The following GALNTL6 variants were observed in gnomAD, a reference collection of about 807,000 sequenced individuals.
The protein encoded by GALNTL6 is polypeptide N-acetylgalactosaminyltransferase like 6.
In GALNTL6, 46 loss-of-function variants were observed where a neutral mutation model predicts 73.7. The observed-to-expected ratio is 0.62, with a 90% CI of 0.49 to 0.80. GALNTL6 has a LOEUF of 0.80. Among genes scored for constraint, GALNTL6 ranks in the 30% least tolerant of loss-of-function variants. The pLI is 0.00. For synonymous variants in GALNTL6, 259 were observed against 263.7 expected, an observed-to-expected ratio of 0.98 and a Z score of 0.17; for missense variants, 604 against 755.0, an observed-to-expected ratio of 0.80 and a Z score of 2.34.
intron 8 of GALNTL6, among the ~76,000 whole-genome samples, chr4:172,929,627 C>T (rs1748225572): frequency 2.0e-5 from 3 of 152,050 alleles, no homozygotes; most frequent in African/African-American, 7.2e-5. Context: ...TGAGGCCCAT[C>T]GACATCATGG....
In GALNTL6 at chr4:172,160,785, A is replaced by G. The variant is rs1018803046; in HGVS notation, c.139-68871A>G. On this transcript the variant is annotated intron_variant, in intron 2 of 12. Coordinates refer to ENST00000506823, the MANE Select transcript of GALNTL6 (RefSeq NM_001034845.3). ...CATGTATAGTCATAAATAGGTATGC[A>G]TATATATACATATATATAAAGAAAC... is the stretch of plus-strand genomic sequence containing the variant. Among the ~76,000 whole-genome samples the G allele has an allele frequency of 4.0e-5, 6 of 151,854 alleles. No individual in the cohort carries two copies. In the East Asian group the frequency reaches 9.7e-4, roughly 24 times the overall value.
At chr4:172,455,574 T>C (rs1259052625) in intron 5 of GALNTL6, among the ~76,000 whole-genome samples, 1 of 152,084 alleles carries the variant, frequency 6.6e-6, no homozygotes, top group Non-Finnish European at 1.5e-5. Context: ...CCCTTCACAG[T>C]GTAAACAAAG....
chr4:172,131,786 A>G (rs1733505989), intron 2 of GALNTL6, among the ~76,000 whole-genome samples: 1 of 151,802 alleles, frequency 6.6e-6, no homozygotes, highest in South Asian at 2.1e-4. Context: ...ATGCTTCTCC[A>G]GGGCACTGAC....
chr4:172,233,189 C>T (rs1033998732), intron 3 of GALNTL6, among the ~76,000 whole-genome samples: 2 of 138,140 alleles, frequency 1.4e-5, no homozygotes, highest in African/African-American at 2.8e-5. Context: ...GGAAACATAG[C>T]GAGACCTCAT....
At chr4:172,742,282 A>T (rs1736851913) in intron 5 of GALNTL6, among the ~76,000 whole-genome samples, 1 of 151,902 alleles carries the variant, frequency 6.6e-6, no homozygotes, top group Non-Finnish European at 1.5e-5. Context: ...TTACTATTAA[A>T]CATGAAGTAC....
At chr4:172,978,282 C>T (rs144932233) in intron 10 of GALNTL6, among the ~76,000 whole-genome samples, 143 of 152,090 alleles carry the variant, frequency 9.4e-4, no homozygotes, top group African/African-American at 3.2e-3. Flanking sequence ...CTGTATAGTC[C>T]CACGGTTGCC....
chr4:172,431,559 G>C (rs1731452775), intron 5 of GALNTL6, among the ~76,000 whole-genome samples: 1 of 152,080 alleles, frequency 6.6e-6, no homozygotes, highest in African/African-American at 2.4e-5. Context: ...ATGGAAGTAT[G>C]ATTGCTCTAA....
chr4:172,097,449 T>A (rs1732387043), intron 2 of GALNTL6, among the ~76,000 whole-genome samples: 1 of 152,162 alleles, frequency 6.6e-6, no homozygotes, highest in African/African-American at 2.4e-5. Flanking sequence ...GGCAGGAGTC[T>A]GAGAGTGGAA....
At chr4:172,192,417 C>T (rs1297121155) in intron 2 of GALNTL6, among the ~76,000 whole-genome samples, 1 of 151,916 alleles carries the variant, frequency 6.6e-6, no homozygotes, top group Non-Finnish European at 1.5e-5. Flanking sequence ...CAGCATCAGT[C>T]AGTGGCTCCC....
chr4:172,569,641 C>T (rs188087711), intron 5 of GALNTL6, among the ~76,000 whole-genome samples: 66 of 152,242 alleles, frequency 4.3e-4, no homozygotes, highest in Non-Finnish European at 8.8e-5. Flanking sequence ...TATCCCAACC[C>T]CAACCCCTGA....
At chr4:172,296,669 A>G (rs1739686672) in intron 3 of GALNTL6, among the ~76,000 whole-genome samples, 1 of 152,250 alleles carries the variant, frequency 6.6e-6, no homozygotes, top group Admixed American at 6.5e-5. Context: ...AGCTTCATCC[A>G]TGTCCCTACA....
intron 10 of GALNTL6, among the ~76,000 whole-genome samples, chr4:173,004,083 G>A (rs747435421): frequency 6.6e-6 from 1 of 152,146 alleles, no homozygotes; most frequent in African/African-American, 2.4e-5. Flanking sequence ...GCTGAAGAGG[G>A]AAGATCGCTT....
At chr4:171,965,670 A>AAG (rs1553976374) in intron 2 of GALNTL6, among the ~76,000 whole-genome samples, 1 of 150,908 alleles carries the variant, frequency 6.6e-6, no homozygotes, top group African/African-American at 2.4e-5. Context: ...AAAAAAAAAA[A>AAG]AAGAAGAAGA....
intron 3 of GALNTL6, among the ~76,000 whole-genome samples, chr4:172,276,740 G>C (rs1031690896): frequency 6.6e-6 from 1 of 151,830 alleles, no homozygotes; most frequent in African/African-American, 2.4e-5. Context: ...AATTAATTGT[G>C]GGGTTTTTTT....
chr4:171,890,044 G>T (rs1348837165), intron 2 of GALNTL6, among the ~76,000 whole-genome samples: 3 of 152,114 alleles, frequency 2.0e-5, no homozygotes, highest in Non-Finnish European at 4.4e-5. Context: ...TCAAAATAAT[G>T]TATGACTGTT....
chr4:172,529,220 T>C (rs929203714), intron 5 of GALNTL6, among the ~76,000 whole-genome samples: 2 of 151,722 alleles, frequency 1.3e-5, no homozygotes, highest in Admixed American at 6.6e-5. Flanking sequence ...GCTGAAAATA[T>C]AATCTAAAGA....
intron 2 of GALNTL6, among the ~76,000 whole-genome samples, chr4:171,871,193 T>C (rs1235923549): frequency 6.6e-6 from 1 of 152,112 alleles, no homozygotes; most frequent in Admixed American, 6.6e-5. Flanking sequence ...TGCCTGAAAA[T>C]GCACACAGTA....
intron 3 of GALNTL6, among the ~76,000 whole-genome samples, chr4:172,271,873 A>G (rs1738667943): frequency 1.3e-5 from 2 of 152,018 alleles, no homozygotes; most frequent in Admixed American, 1.3e-4. Context: ...GATCCGTTTC[A>G]TAATTTAATA....
chr4:171,960,510 T>A (rs1003024779), intron 2 of GALNTL6, among the ~76,000 whole-genome samples: 1 of 151,854 alleles, frequency 6.6e-6, no homozygotes, highest in African/African-American at 2.4e-5. Context: ...GAACTCCTGA[T>A]CTCAGGCAAT....
Sources: allele counts gnomAD v4.1 joint callset (sites outside exome capture counted in the v4.1 genomes callset), GRCh38; gene constraint gnomAD v4.1.1; transcripts MANE v1.5; gene names NCBI Gene and HGNC (gene_info 2026-07-23, HGNC 2026-07-21).